Variants in C4orf51 observed in about 807,000 individuals in gnomAD.
C4orf51 encodes the protein chromosome 4 open reading frame 51.
Under a neutral mutation model 25.2 loss-of-function variants are expected in C4orf51, and 25 were observed. The observed-to-expected ratio is 0.99, with a 90% CI of 0.72 to 1.39. C4orf51 has a LOEUF of 1.39. C4orf51 is among the 40% of genes most tolerant of loss of function. The probability of loss-of-function intolerance (pLI) is 0.00; values close to 1 mark genes in which losing one functional copy is unlikely to be tolerated. For missense variants in C4orf51, 252 were observed against 239.6 expected (o/e 1.05, Z -0.34); for synonymous variants, 100 against 84.5 (o/e 1.18, Z -1.01).
intron 2 of C4orf51, among the ~76,000 whole-genome samples, chr4:145,704,634 T>C (rs569355222): frequency 2.0e-5 from 3 of 152,328 alleles, no homozygotes; most frequent in African/African-American, 4.8e-5. Context: ...AGTTTTCTAA[T>C]ATAATTTGAA....
At chr4:145,768,858 CAAAAAAAAA>C (rs1174930111) in intron 1 of C4orf51, among the ~76,000 whole-genome samples, 1 of 4,530 alleles carries the variant, frequency 2.2e-4, no homozygotes, top group Non-Finnish European at 4.6e-4. Context: ...GACTCCGTCT[CAAAAAAAAA>C]AAAAAAAAAA....
chr4:145,767,455 G>A (rs753595625), intron 1 of C4orf51, among the ~76,000 whole-genome samples: 6 of 152,082 alleles, frequency 3.9e-5, no homozygotes, highest in Non-Finnish European at 7.4e-5. Context: ...GTGGAAATTT[G>A]AAATGGCCAA....
intron 1 of C4orf51, among the ~76,000 whole-genome samples, chr4:145,695,266 A>G (rs145319812): frequency 6.6e-6 from 1 of 152,190 alleles, no homozygotes; most frequent in African/African-American, 2.4e-5. Flanking sequence ...TTGACTTTTT[A>G]ATAATAGCCA....
downstream of C4orf51, among the ~76,000 whole-genome samples, chr4:145,773,820 G>A (rs193162039): frequency 6.6e-5 from 10 of 152,252 alleles, no homozygotes; most frequent in South Asian, 1.0e-3. Context: ...TAAGGAGAGC[G>A]TCAGGGCTGC....
chr4:145,729,301 T>A, intron 4 of C4orf51, 72 bp downstream of exon 4: 2 of 770,386 alleles, frequency 2.6e-6, no homozygotes, highest in Non-Finnish European at 3.9e-6. Flanking sequence ...CATGTGATTT[T>A]TTTTTTTTTT....
chr4:145,704,536 T>C (rs977490993), intron 2 of C4orf51, among the ~76,000 whole-genome samples: 2 of 152,278 alleles, frequency 1.3e-5, no homozygotes, highest in Admixed American at 6.5e-5. Context: ...TAACTGTATA[T>C]GCGTGGGTTT....
chr4:145,683,360 A>C (rs1002877986), intron 1 of C4orf51, among the ~76,000 whole-genome samples: 3 of 152,214 alleles, frequency 2.0e-5, no homozygotes, highest in Admixed American at 6.5e-5. Flanking sequence ...ATGCAGTTGC[A>C]ATCAAAATCC....
chr4:145,740,052 T>C (rs949835052), intron 1 of C4orf51, among the ~76,000 whole-genome samples: 2 of 152,114 alleles, frequency 1.3e-5, no homozygotes, highest in African/African-American at 4.8e-5. Flanking sequence ...TCCGCTGACA[T>C]TGGAAGCAAG....
intron 4 of C4orf51, among the ~76,000 whole-genome samples, chr4:145,729,522 C>G (rs150467786): frequency 2.6e-5 from 4 of 152,006 alleles, no homozygotes; most frequent in East Asian, 3.9e-4. Context: ...AGGATGGTCT[C>G]GATCTTCCGA....
chr4:145,767,793 A>G (rs1250394095), intron 1 of C4orf51, among the ~76,000 whole-genome samples: 1 of 152,194 alleles, frequency 6.6e-6, no homozygotes, highest in Non-Finnish European at 1.5e-5. Context: ...GGCAACAAAC[A>G]AAAGCTCACA....
chr4:145,759,823 A>C (rs761638925), intron 1 of C4orf51: 5 of 152,062 alleles, frequency 3.3e-5, no homozygotes, highest in Non-Finnish European at 7.3e-5. Context: ...GGCTGGATTT[A>C]TCAACCATAA....
At position 145,727,139 on chromosome 4, in the gene C4orf51, G is replaced by A. The variant is rs535521371; in HGVS notation, c.366+170G>A. On this transcript the variant is annotated intron_variant, in intron 3 of 5. Coordinates refer to ENST00000438731, the MANE Select transcript of C4orf51 (RefSeq NM_001080531.3). ...TGTGTGGCTTTCTATTAGGTGATAG[G>A]AACACAACAATAACCAAGGTTACGA... Among the ~76,000 whole-genome samples, 26 of 152,198 alleles carry A rather than the reference G, an allele frequency of 1.7e-4. No homozygotes were observed. The Middle Eastern group carries it at 0.01, about 60-fold the overall frequency.
intron 2 of C4orf51, among the ~76,000 whole-genome samples, chr4:145,718,650 C>A (rs1022740537): frequency 2.3e-4 from 35 of 152,222 alleles, no homozygotes; most frequent in African/African-American, 8.2e-4. Context: ...CTTCTGTTTC[C>A]TGTTGCACTT....
In C4orf51 at chr4:145,762,088, G is replaced by T. The variant is rs1455848538; in HGVS notation, n.167-8900G>T. ...AGAGGTTTTAAAGAACAGCTTATAG[G>T]GGGAGCGCTACCTCCAGCAAACAGA... On this transcript the variant is annotated intron_variant and non_coding_transcript_variant, in intron 1 of 1. Coordinates refer to the C4orf51 transcript ENST00000510096. The surrounding 1 kb of genome is among the most constrained non-coding windows in gnomAD (Gnocchi z 4.9). Among the ~76,000 whole-genome samples, 2 of 152,134 alleles carry T rather than the reference G, an allele frequency of 1.3e-5. No homozygotes were observed. The highest frequency in any genetic ancestry group is 4.8e-5 in the African/African-American group (2 of 41,422).
chr4:145,732,610 C>A lies in C4orf51; in HGVS notation c.*50C>A. On this transcript the variant is annotated 3_prime_UTR_variant, in exon 6 of 6. Transcript: ENST00000438731. ...GGAGGCGTGGAGTTTGCTTAATAAA[C>A]AACTTTGAGGTATGGGGCCCTCCCA... 7.3e-7 allele frequency: 1 copy of A among 1,364,048 alleles called. No homozygotes were observed. Among genetic ancestry groups the A allele is most frequent in the Non-Finnish European group, 1.0e-6 (1 of 973,600 alleles). The allele number at this position is 1,364,048 out of a possible 1,614,324, so 84.5% of individuals were successfully genotyped here. A position where few individuals can be genotyped will look rare whatever the true frequency, so the allele number is the denominator to read the frequency against.
At chr4:145,782,113 C>T in the C4orf51 span, among the ~76,000 whole-genome samples, 3 of 152,232 alleles carry the variant, frequency 2.0e-5, no homozygotes, top group Admixed American at 6.5e-5. Context: ...CACAGTCCCA[C>T]GCCCAACTCC....
downstream of C4orf51, among the ~76,000 whole-genome samples, chr4:145,733,701 G>A (rs767731577): frequency 4.6e-5 from 7 of 152,166 alleles, no homozygotes; most frequent in Non-Finnish European, 1.0e-4. Context: ...GCCCTAGGTC[G>A]GGTTAAATAC....
chr4:145,729,168 G>A lies in C4orf51; in HGVS notation c.367-1G>A, dbSNP rs1732280664. ...TTTATTTCTATCTCTCCTTTTTATA[G>A]GCACATCAAATTTGGGATTTTGGTG... is the stretch of plus-strand genomic sequence containing the variant. On this transcript the variant is annotated splice_acceptor_variant, in intron 3 of 5. Coordinates refer to ENST00000438731, the MANE Select transcript of C4orf51 (RefSeq NM_001080531.3). LOFTEE classifies it high-confidence loss of function. 2 of 1,591,888 alleles carry A rather than the reference G, an allele frequency of 1.3e-6. No individual in the cohort carries two copies. Among genetic ancestry groups the A allele is most frequent in the Non-Finnish European group, 1.7e-6 (2 of 1,161,346 alleles).
chr4:145,784,930 C>A, the C4orf51 span, among the ~76,000 whole-genome samples: 4 of 152,080 alleles, frequency 2.6e-5, no homozygotes, highest in African/African-American at 7.2e-5. Context: ...ATATTCTGAT[C>A]CCTGGGATAA....
Sources: allele counts gnomAD v4.1 joint callset (sites outside exome capture counted in the v4.1 genomes callset), GRCh38; gene constraint gnomAD v4.1.1; non-coding constraint Gnocchi (gnomAD v3.1); transcripts MANE v1.5; gene names NCBI Gene and HGNC (gene_info 2026-07-23, HGNC 2026-07-21).